Variants in CALY observed in about 807,000 individuals in gnomAD.
CALY encodes calcyon neuron specific vesicular protein.
Under a neutral mutation model 20.2 loss-of-function variants are expected in CALY, and 15 were observed. The ratio of observed to expected loss-of-function variants is 0.74; its 90% confidence interval spans 0.50 to 1.14. The LOEUF is 1.14. CALY is among the 50% of genes most tolerant of loss of function. The pLI is 0.00. For synonymous variants in CALY, 129 were observed against 131.8 expected, an observed-to-expected ratio of 0.98 and a Z score of 0.15; for missense variants, 270 against 304.4, an observed-to-expected ratio of 0.89 and a Z score of 0.84.
Position 133,326,133 on chromosome 10 carries a change from C to T in CALY, c.361-13G>A. 1 of 1,591,454 alleles carries T rather than the reference C, an allele frequency of 6.3e-7. No homozygotes were observed. The highest frequency in any genetic ancestry group is 8.6e-7 in the Non-Finnish European group (1 of 1,165,942). On this transcript the variant is annotated splice_polypyrimidine_tract_variant and intron_variant, in intron 4 of 5. Transcript: ENST00000252939. ...TGCAGATCTTGTGCTGCGGGAGGGG[C>T]CGGGTCAGGGTCGGTGGGGCTGAGC...
intron 1 of CALY, among the ~76,000 whole-genome samples, chr10:133,332,240 G>A (rs1279561301): frequency 1.3e-5 from 2 of 152,124 alleles, no homozygotes; most frequent in African/African-American, 4.8e-5. Context: ...AAAGTCCCAC[G>A]TGACACACTT....
intron 1 of CALY, among the ~76,000 whole-genome samples, chr10:133,336,094 G>C (rs1279210394): frequency 6.6e-6 from 1 of 152,148 alleles, no homozygotes; most frequent in Non-Finnish European, 1.5e-5. Flanking sequence ...CTGCGGATCT[G>C]AGGGTCCCGC....
chr10:133,334,927 T>A (rs1848409114), intron 1 of CALY, among the ~76,000 whole-genome samples: 1 of 152,126 alleles, frequency 6.6e-6, no homozygotes, highest in Admixed American at 6.5e-5. Flanking sequence ...CACCCCGGGC[T>A]GAAGACTCTT....
intron 1 of CALY, among the ~76,000 whole-genome samples, chr10:133,335,156 C>A (rs1297902874): frequency 6.6e-6 from 1 of 152,038 alleles, no homozygotes; most frequent in African/African-American, 2.4e-5. Context: ...AGCGCCGGGG[C>A]TTGAGGTGGA....
chr10:133,328,797 C>A, intron 2 of CALY, 58 bp downstream of exon 2: 1 of 1,488,852 alleles, frequency 6.7e-7, no homozygotes, highest in Non-Finnish European at 9.0e-7. Context: ...CCTCACCCCA[C>A]ACCCCTTTGT....
rs1848210866 is a variant in CALY, at chr10:133,326,372, G to T, written c.361-252C>A. 1.0e-5 allele frequency: 11 copies of T among 1,086,356 alleles called. No homozygotes were observed. The South Asian group carries it at 1.5e-4, about 15-fold the overall frequency. 67.3% of individuals were successfully genotyped at this position (1,086,356 alleles called of 1,614,324 possible). A position where few individuals can be genotyped will look rare whatever the true frequency, so the allele number is the denominator to read the frequency against. ...GACACCAGTGGACCTGCCCAGCGCA[G>T]CAAGGACTCTGCGGAGCGCGCTCCA... is the stretch of plus-strand genomic sequence containing the variant. On this transcript the variant is annotated intron_variant, in intron 4 of 5. Coordinates refer to ENST00000252939, the MANE Select transcript of CALY (RefSeq NM_015722.4).
In CALY at chr10:133,326,113, A is replaced by C. The variant is rs765737491; in HGVS notation, c.368T>G (p.Ile123Ser). The C allele has an allele frequency of 2.5e-6, 4 of 1,595,454 alleles. No homozygotes were observed. The highest frequency in any genetic ancestry group is 3.4e-6 in the Non-Finnish European group (4 of 1,167,818). ...CATCTCCAGGGTCAGCGGCGTGCAG[A>C]TCTTGTGCTGCGGGAGGGGCCGGGT... ...CPDGFLLRHK[I>S]CTPLTLEMYY... Residue 123 changes from isoleucine (I) to serine (S), a missense_variant, in exon 5 of 6, where the codon ATC becomes AGC. Coordinates refer to ENST00000252939, the MANE Select transcript of CALY (RefSeq NM_015722.4).
intron 4 of CALY, chr10:133,326,439 A>G (rs1301924243): frequency 3.4e-6 from 2 of 583,582 alleles, no homozygotes; most frequent in African/African-American, 3.8e-5. Flanking sequence ...AGCAGATTTT[A>G]CTTCTGATAA....
chr10:133,327,787 C>T lies in CALY; in HGVS notation c.246+118G>A, dbSNP rs1278285992. The T allele has an allele frequency of 1.3e-5, 10 of 747,548 alleles. No individual in the cohort carries two copies. In the Middle Eastern group the frequency reaches 6.7e-4, roughly 50 times the overall value. 46.3% of individuals were successfully genotyped at this position (747,548 alleles called of 1,614,324 possible). ...GCGGGATGACTCACTGCCACCCTCT[C>T]CTCCCTGAGAGCAAGGGGACCCCAG... On this transcript the variant is annotated intron_variant, in intron 3 of 5. Coordinates refer to ENST00000252939, the MANE Select transcript of CALY (RefSeq NM_015722.4).
intron 3 of CALY, chr10:133,327,369 C>T (rs1274760358): frequency 4.0e-6 from 2 of 500,902 alleles, no homozygotes; most frequent in Non-Finnish European, 3.5e-6. Flanking sequence ...AGGTGACTGC[C>T]CACAGTGGGT....
At chr10:133,329,392 C>CTTCTTCTTCTTCTTCTTT in intron 1 of CALY, among the ~76,000 whole-genome samples, 1 of 137,450 alleles carries the variant, frequency 7.3e-6, no homozygotes, top group Non-Finnish European at 1.5e-5. Flanking sequence ...TCTTCTTCTT[C>CTTCTTCTTCTTCTTCTTT]TTTTTTTTTT....
chr10:133,327,471 G>A (rs1157418922), intron 3 of CALY: 2 of 560,594 alleles, frequency 3.6e-6, no homozygotes, highest in African/African-American at 3.8e-5. Context: ...GAAGGCTTTG[G>A]AAACAGTCCA....
At chr10:133,330,571 T>G (rs12762126) in intron 1 of CALY, among the ~76,000 whole-genome samples, 94,571 of 130,376 alleles carry the variant, frequency 0.73, 35,561 homozygotes, top group East Asian at 0.93. Flanking sequence ...GGCAGGAGAA[T>G]GGCGTGAACC....
At position 133,328,995 on chromosome 10, in the gene CALY, A is replaced by T. The variant is rs376926790; in HGVS notation, c.-6T>A. On this transcript the variant is annotated 5_prime_UTR_variant, in exon 2 of 6. Coordinates refer to ENST00000252939, the MANE Select transcript of CALY (RefSeq NM_015722.4). ...CTGCAGCCCAGCTTCACCATGGTGG[A>T]TGGCAGTCCTTGTCCTGTCCAAAGA... The T allele has an allele frequency of 1.9e-6, 3 of 1,559,094 alleles. No individual in the cohort carries two copies. Among genetic ancestry groups the T allele is most frequent in the African/African-American group, 2.7e-5 (2 of 73,780 alleles).
At chr10:133,331,196 A>G (rs1206791001) in intron 1 of CALY, among the ~76,000 whole-genome samples, 2 of 152,192 alleles carry the variant, frequency 1.3e-5, no homozygotes, top group East Asian at 3.8e-4. Flanking sequence ...AAATCCCCAC[A>G]GCAAACCTCA....
chr10:133,327,892 TG>T lies in CALY; in HGVS notation c.246+12del. 6.4e-7 allele frequency: 1 copy of T among 1,559,660 alleles called. No homozygotes were observed. Among genetic ancestry groups the T allele is most frequent in the Non-Finnish European group, 8.8e-7 (1 of 1,132,658 alleles). On this transcript the variant is annotated intron_variant, in intron 3 of 5. Coordinates refer to ENST00000252939, the MANE Select transcript of CALY (RefSeq NM_015722.4). Reference sequence around the variant, plus strand: ...TCCTGAGTCCCCACAGTGGGTGGGGTGGGTGTGGTTACCCTGCGCCCTTCCT... The same window carrying T: ...TCCTGAGTCCCCACAGTGGGTGGGGTGGTGTGGTTACCCTGCGCCCTTCCT...
chr10:133,326,851 C>T, intron 4 of CALY, 27 bp downstream of exon 4: 1 of 1,502,692 alleles, frequency 6.7e-7, no homozygotes, highest in Non-Finnish European at 9.2e-7. Flanking sequence ...GGCTCTACAC[C>T]CCCCACCAGA....
chr10:133,328,046 G>A, intron 2 of CALY, 31 bp from the exon 3 acceptor site: 1 of 1,396,856 alleles, frequency 7.2e-7, no homozygotes, highest in Non-Finnish European at 1.0e-6. Context: ...GGCCTCAGTA[G>A]GCAGCTGGCA....
chr10:133,324,912 A>ATAC lies in CALY; in HGVS notation c.*682_*683insGTA. On this transcript the variant is annotated 3_prime_UTR_variant, in exon 6 of 6. Coordinates refer to ENST00000252939, the MANE Select transcript of CALY (RefSeq NM_015722.4). ...CAGGAACCAGAGCTCACCCCTCATC[A>ATAC]GGCCCCACTCCCCACTCAGACGCCC... 4 of 239,302 alleles carry ATAC rather than the reference A, an allele frequency of 1.7e-5. No individual in the cohort carries two copies. Among genetic ancestry groups the ATAC allele is most frequent in the Admixed American group, 1.1e-4 (2 of 18,920 alleles). The allele number at this position is 239,302 out of a possible 1,614,324, so 14.8% of individuals were successfully genotyped here.
Sources: gnomAD v4.1 joint callset for allele counts (sites outside exome capture counted in the v4.1 genomes callset) on GRCh38, gnomAD v4.1.1 for gene constraint, MANE v1.5 for transcripts, NCBI Gene and HGNC (gene_info 2026-07-23, HGNC 2026-07-21) for gene names.